Variants in SGCZ observed in about 807,000 individuals in gnomAD.
SGCZ encodes sarcoglycan zeta.
A neutral mutation model predicts 41.3 loss-of-function variants in SGCZ; 40 were observed. That is an observed-to-expected ratio of 0.97 (90% CI 0.75 to 1.26). The LOEUF is 1.26. SGCZ is among the 50% of genes most tolerant of loss of function. The pLI is 0.00. For missense variants in SGCZ, 552 were observed against 369.8 expected (o/e 1.49, Z -4.04); for synonymous variants, 206 against 137.5 (o/e 1.50, Z -3.49).
intron 1 of SGCZ, among the ~76,000 whole-genome samples, chr8:15,096,839 C>T (rs10103848): frequency 0.049 from 7,494 of 152,138 alleles, 583 homozygotes; most frequent in African/African-American, 0.16. Flanking sequence ...GCACATACCA[C>T]CACACCTGGC....
At chr8:14,503,857 A>C (rs1034636806) in intron 2 of SGCZ, among the ~76,000 whole-genome samples, 2 of 152,190 alleles carry the variant, frequency 1.3e-5, no homozygotes, top group Non-Finnish European at 2.9e-5. Flanking sequence ...TTATAGACTT[A>C]TTTGAAGAGA....
chr8:14,490,259 T>A (rs1801804788), intron 2 of SGCZ, among the ~76,000 whole-genome samples: 1 of 152,178 alleles, frequency 6.6e-6, no homozygotes, highest in African/African-American at 2.4e-5. Flanking sequence ...ACAATCACAC[T>A]CAGCTTGATT....
rs187016732 is a variant in SGCZ at position 14,245,291 on chromosome 8, C to T, written c.337-7612G>A. Reference sequence around the variant, plus strand: ...AACAGAGCCCTCAGAAATAACGCCGCATATCTACAACTATCTGATCTTTGA... The same window carrying T: ...AACAGAGCCCTCAGAAATAACGCCGTATATCTACAACTATCTGATCTTTGA... On this transcript the variant is annotated intron_variant, in intron 3 of 7. Transcript: ENST00000382080. Among the ~76,000 whole-genome samples, 4 of 152,230 alleles carry T rather than the reference C, an allele frequency of 2.6e-5. No homozygotes were observed. The East Asian group carries it at 7.7e-4, about 29-fold the overall frequency.
chr8:14,162,936 T>A (rs1486151449), intron 5 of SGCZ, among the ~76,000 whole-genome samples: 2 of 152,188 alleles, frequency 1.3e-5, no homozygotes, highest in African/African-American at 4.8e-5. Context: ...ACTGGCATGA[T>A]CTTGGCTCAT....
At chr8:14,501,742 G>C (rs931665468) in intron 2 of SGCZ, among the ~76,000 whole-genome samples, 15 of 150,838 alleles carry the variant, frequency 9.9e-5, no homozygotes, top group Admixed American at 6.6e-5. Flanking sequence ...TGGCTAATTT[G>C]GTTGTATAGC....
At chr8:14,682,966 G>A (rs11203665) in intron 1 of SGCZ, among the ~76,000 whole-genome samples, 30,315 of 152,074 alleles carry the variant, frequency 0.2, 3,673 homozygotes, top group East Asian at 0.44. Flanking sequence ...TTCAGAATTT[G>A]TAATTATTGG....
intron 5 of SGCZ, among the ~76,000 whole-genome samples, chr8:14,132,486 G>A (rs914367172): frequency 7.2e-5 from 11 of 151,984 alleles, no homozygotes; most frequent in Admixed American, 2.0e-4. Flanking sequence ...CTTGTATATC[G>A]TTACAGAAAT....
chr8:14,967,178 C>G (rs188421707), intron 1 of SGCZ, among the ~76,000 whole-genome samples: 14 of 152,258 alleles, frequency 9.2e-5, no homozygotes, highest in Non-Finnish European at 1.5e-4. Flanking sequence ...CTGTAATACA[C>G]ATTAAAATTA....
intron 2 of SGCZ, among the ~76,000 whole-genome samples, chr8:14,408,446 C>A (rs1156631126): frequency 5.3e-5 from 8 of 152,118 alleles, no homozygotes; most frequent in African/African-American, 1.9e-4. Flanking sequence ...AATAGATCAT[C>A]AGTCCTAATA....
At chr8:14,523,020 C>T (rs1045112264) in intron 2 of SGCZ, among the ~76,000 whole-genome samples, 6 of 151,620 alleles carry the variant, frequency 4.0e-5, no homozygotes, top group Non-Finnish European at 7.4e-5. Flanking sequence ...CAGAACTTAC[C>T]ACATTCTACT....
At chr8:15,179,474 T>G (rs1041638953) in intron 1 of SGCZ, among the ~76,000 whole-genome samples, 1 of 152,188 alleles carries the variant, frequency 6.6e-6, no homozygotes, top group Non-Finnish European at 1.5e-5. Flanking sequence ...TTAAAGGGTT[T>G]TCATGATCTC....
intron 1 of SGCZ, among the ~76,000 whole-genome samples, chr8:15,148,238 G>C (rs2117012041): frequency 6.6e-6 from 1 of 152,288 alleles, no homozygotes; most frequent in East Asian, 1.9e-4. Context: ...CTCTCTCTTG[G>C]ATGATGTGAG....
intron 1 of SGCZ, among the ~76,000 whole-genome samples, chr8:14,977,157 A>G (rs1257063859): frequency 6.6e-6 from 1 of 152,202 alleles, no homozygotes; most frequent in Non-Finnish European, 1.5e-5. Context: ...ATACAGAAAC[A>G]TAGGAAAGAG....
intron 1 of SGCZ, among the ~76,000 whole-genome samples, chr8:14,629,495 C>T (rs1236126445): frequency 6.6e-6 from 1 of 151,996 alleles, no homozygotes; most frequent in East Asian, 1.9e-4. Context: ...CAGTAGTGGT[C>T]TAGATTCTGT....
chr8:15,100,456 A>G (rs913325721), intron 1 of SGCZ, among the ~76,000 whole-genome samples: 2 of 152,242 alleles, frequency 1.3e-5, no homozygotes, highest in African/African-American at 4.8e-5. Flanking sequence ...ATCAAAGAAT[A>G]TCTAAATAAA....
intron 1 of SGCZ, among the ~76,000 whole-genome samples, chr8:15,135,108 T>C (rs532159511): frequency 7.9e-5 from 12 of 152,270 alleles, no homozygotes; most frequent in Admixed American, 4.6e-4. Context: ...CTGAGAAAAA[T>C]TATATGCAAC....
intron 5 of SGCZ, chr8:14,162,769 G>A (rs763554320): frequency 6.6e-6 from 1 of 152,354 alleles, no homozygotes; most frequent in Non-Finnish European, 1.5e-5. Flanking sequence ...ACAGGCGTAG[G>A]GGTAAGGGTG....
At chr8:14,781,440 G>C (rs373181922) in intron 1 of SGCZ, among the ~76,000 whole-genome samples, 1 of 151,990 alleles carries the variant, frequency 6.6e-6, no homozygotes, top group East Asian at 1.9e-4. Context: ...TGTTAACCAG[G>C]CTGGTCTCAA....
chr8:14,206,502 C>A (rs1805619803), intron 4 of SGCZ, among the ~76,000 whole-genome samples: 1 of 152,126 alleles, frequency 6.6e-6, no homozygotes, highest in Non-Finnish European at 1.5e-5. Context: ...AAGCTGCCAA[C>A]AAGGAGAGTT....
Sources: gnomAD v4.1 joint callset for allele counts (sites outside exome capture counted in the v4.1 genomes callset) on GRCh38, gnomAD v4.1.1 for gene constraint, MANE v1.5 for transcripts, NCBI Gene and HGNC (gene_info 2026-07-23, HGNC 2026-07-21) for gene names.